Variants in MAP1LC3A observed in about 807,000 individuals in gnomAD.
MAP1LC3A encodes the protein microtubule-associated protein 1 light chain 3 alpha.
Under a neutral mutation model 15.2 loss-of-function variants are expected in MAP1LC3A, and 10 were observed. The observed-to-expected ratio is 0.66, with a 90% CI of 0.41 to 1.12. The LOEUF (loss-of-function observed/expected upper bound fraction) is 1.12, where lower values mean the gene tolerates loss of function less well. Ranked by LOEUF, MAP1LC3A falls within the 50% of genes most tolerant of loss-of-function variation. MAP1LC3A has a pLI of 0.00. For missense variants in MAP1LC3A, 138 were observed against 167.3 expected (o/e 0.82, Z 0.97); for synonymous variants, 63 against 64.3 (o/e 0.98, Z 0.10).
At chr20:34,557,052 A>C (rs907815313), upstream of MAP1LC3A, among the ~76,000 whole-genome samples, 1 of 152,166 alleles carries the variant, frequency 6.6e-6, no homozygotes, top group African/African-American at 2.4e-5. Flanking sequence ...TTCTATAGGT[A>C]CATCTTTTGG....
At chr20:34,548,246 C>T (rs1385126287) in intron 1 of MAP1LC3A, among the ~76,000 whole-genome samples, 1 of 152,194 alleles carries the variant, frequency 6.6e-6, no homozygotes, top group Non-Finnish European at 1.5e-5. Context: ...CTGGACCTGA[C>T]AGCTGGAAGC....
chr20:34,556,783 TAGAGAC>T (rs1174320756), upstream of MAP1LC3A, among the ~76,000 whole-genome samples: 1 of 152,182 alleles, frequency 6.6e-6, no homozygotes, highest in Non-Finnish European at 1.5e-5. Context: ...GTATTTTTAG[TAGAGAC>T]AGAGTTTTGC....
chr20:34,559,385 C>T lies in MAP1LC3A; in HGVS notation c.135C>T (p.Pro45=), dbSNP rs757207230. 3 of 1,613,356 alleles carry T rather than the reference C, an allele frequency of 1.9e-6. No homozygotes were observed. Among genetic ancestry groups the T allele is most frequent in the Admixed American group, 1.7e-5 (1 of 60,006 alleles). ...GCTACAAGGGTGAGAAGCAGCTGCC[C>T]GTCCTGGACAAGACCAAGTTTTTGG... ...IERYKGEKQL[P]VLDKTKFLVP... The change falls in exon 3 of 4, where the codon CCC becomes CCT. Residue 45 remains proline, a synonymous_variant. Coordinates refer to ENST00000360668, the MANE Select transcript of MAP1LC3A (RefSeq NM_032514.4).
Position 34,560,280 on chromosome 20 carries a change from C to T in MAP1LC3A, c.*382C>T, listed in dbSNP as rs948625340. On this transcript the variant is annotated 3_prime_UTR_variant, in exon 4 of 4. Transcript: ENST00000360668. ...CCCTGGCTCCCCGCCCCTCGGTCTCCACGTGGTGTATGGATCTGTGGTCAT... is the reference window on the plus strand; with the variant it reads ...CCCTGGCTCCCCGCCCCTCGGTCTCTACGTGGTGTATGGATCTGTGGTCAT... 1.7e-5 allele frequency: 4 copies of T among 230,712 alleles called. No homozygotes were observed. Among genetic ancestry groups the T allele is most frequent in the African/African-American group, 4.6e-5 (2 of 43,146 alleles). The allele number at this position is 230,712 out of a possible 1,614,324, so 14.3% of individuals were successfully genotyped here. A position where few individuals can be genotyped will look rare whatever the true frequency, so the allele number is the denominator to read the frequency against.
chr20:34,556,992 A>T (rs1055795410), upstream of MAP1LC3A, among the ~76,000 whole-genome samples: 1 of 152,154 alleles, frequency 6.6e-6, no homozygotes, highest in Non-Finnish European at 1.5e-5. Context: ...TTTCATGTTG[A>T]TCCTCTTATC....
intron 2 of MAP1LC3A, among the ~76,000 whole-genome samples, chr20:34,550,610 C>G (rs907724499): frequency 1.3e-5 from 2 of 152,070 alleles, no homozygotes; most frequent in African/African-American, 4.8e-5. Context: ...GCCAAAATGG[C>G]GAAACGAAAA....
At chr20:34,549,604 G>C (rs1981870205) in intron 1 of MAP1LC3A, among the ~76,000 whole-genome samples, 1 of 152,244 alleles carries the variant, frequency 6.6e-6, no homozygotes, top group Non-Finnish European at 1.5e-5. Flanking sequence ...TGTGCTGAGA[G>C]TAGCAGCCCA....
rs140625473 is a variant in MAP1LC3A, at chr20:34,551,417, G to A, written c.52+1388G>A. On this transcript the variant is annotated intron_variant, in intron 2 of 4. Transcript: ENST00000374837. Reference sequence around the variant, plus strand: ...AGAATAATGATTGCCTCCATGGGGCGTGCAGGTAGACTGGTGAGGCCCAAG... The same window carrying A: ...AGAATAATGATTGCCTCCATGGGGCATGCAGGTAGACTGGTGAGGCCCAAG... Among the ~76,000 whole-genome samples, 715 of 151,780 alleles carry A rather than the reference G, an allele frequency of 4.7e-3. 4 individuals carry two copies. The highest frequency in any genetic ancestry group is 0.016 in the African/African-American group (654 of 41,352).
At chr20:34,558,263 G>A (rs1982233677), upstream of MAP1LC3A, 11 of 984,482 alleles carry the variant, frequency 1.1e-5, no homozygotes, top group South Asian at 5.2e-4. The surrounding 1 kb of genome is among the most constrained non-coding windows in gnomAD (Gnocchi z 4.3). Context: ...TTTCAAACCT[G>A]GGCGTTCATT....
chr20:34,558,517 G>A, upstream of MAP1LC3A: 6 of 1,073,928 alleles, frequency 5.6e-6, no homozygotes, highest in Non-Finnish European at 5.6e-6. The surrounding 1 kb of genome is among the most constrained non-coding windows in gnomAD (Gnocchi z 4.3). Context: ...CTTGAGTTCG[G>A]GCTGCGGGAG....
upstream of MAP1LC3A, chr20:34,558,336 C>CCTT: frequency 6.1e-6 from 6 of 986,812 alleles, no homozygotes; most frequent in Non-Finnish European, 7.2e-6. The surrounding 1 kb of genome is among the most constrained non-coding windows in gnomAD (Gnocchi z 4.3). Context: ...TTCTCTCGCC[C>CCTT]TAAGCCCCGT....
chr20:34,549,501 A>G (rs1391463041), intron 1 of MAP1LC3A, among the ~76,000 whole-genome samples: 1 of 152,230 alleles, frequency 6.6e-6, no homozygotes, highest in Non-Finnish European at 1.5e-5. Flanking sequence ...TGCCTGGCTC[A>G]GGAAGGAATT....
chr20:34,558,611 C>A, upstream of MAP1LC3A: 1 of 1,219,818 alleles, frequency 8.2e-7, no homozygotes. The surrounding 1 kb of genome is among the most constrained non-coding windows in gnomAD (Gnocchi z 4.3). Context: ...CGGACCCAGG[C>A]TCTCTGCGCC....
intron 1 of MAP1LC3A, among the ~76,000 whole-genome samples, chr20:34,548,620 A>G (rs889106877): frequency 6.6e-6 from 1 of 151,950 alleles, no homozygotes; most frequent in African/African-American, 2.4e-5. Flanking sequence ...TGTGGGGAGC[A>G]AGGTGGGGCA....
At position 34,559,872 on chromosome 20, in the gene MAP1LC3A, G is replaced by A; in HGVS notation, c.340G>A (p.Ala114Thr). 2 of 1,611,176 alleles carry A rather than the reference G, an allele frequency of 1.2e-6. No individual in the cohort carries two copies. Among genetic ancestry groups the A allele is most frequent in the South Asian group, 1.1e-5 (1 of 90,542 alleles). The change falls in exon 4 of 4, where the codon GCC (alanine) becomes ACC (threonine). Residue 114 changes from alanine to threonine, a missense_variant. By Grantham distance (58) the Ala-to-Thr change is moderately conservative (BLOSUM62 0). Coordinates refer to ENST00000360668, the MANE Select transcript of MAP1LC3A (RefSeq NM_032514.4). ...DEDGFLYMVY[A>T]SQETFGF Reference sequence around the variant, plus strand: ...GGACGGCTTCCTCTATATGGTCTACGCCTCCCAGGAAACCTTCGGCTTCTG... The same window carrying A: ...GGACGGCTTCCTCTATATGGTCTACACCTCCCAGGAAACCTTCGGCTTCTG...
intron 1 of MAP1LC3A, 64 bp from the exon 2 acceptor site, chr20:34,559,144 C>A: frequency 4.1e-6 from 6 of 1,450,186 alleles, no homozygotes; most frequent in Non-Finnish European, 5.4e-6. Context: ...GCCGCCCCTC[C>A]GGGACAGGCG....
chr20:34,559,701 C>G, intron 3 of MAP1LC3A, 35 bp from the exon 4 acceptor site: 1 of 1,575,410 alleles, frequency 6.3e-7, no homozygotes, highest in Non-Finnish European at 8.6e-7. Context: ...CGCAGCCAAG[C>G]CCCTCACAGC....
Position 34,559,382 on chromosome 20 carries a change from G to A in MAP1LC3A, c.132G>A (p.Leu44=). 6.2e-7 allele frequency: 1 copy of A among 1,612,294 alleles called. No individual in the cohort carries two copies. Among genetic ancestry groups the A allele is most frequent in the Non-Finnish European group, 8.5e-7 (1 of 1,179,212 alleles). ...AGCGCTACAAGGGTGAGAAGCAGCTGCCCGTCCTGGACAAGACCAAGTTTT... is the reference window on the plus strand; with the variant it reads ...AGCGCTACAAGGGTGAGAAGCAGCTACCCGTCCTGGACAAGACCAAGTTTT... ...IIERYKGEKQ[L]PVLDKTKFLV... Residue 44 remains leucine (L), a synonymous_variant, in exon 3 of 4, where the codon CTG becomes CTA. Transcript: ENST00000360668.
chr20:34,551,853 ATTGT>A (rs1269481110), intron 2 of MAP1LC3A, among the ~76,000 whole-genome samples: 3 of 152,098 alleles, frequency 2.0e-5, no homozygotes, highest in East Asian at 3.8e-4. Context: ...TCTGCATTTC[ATTGT>A]TTGTGAATTT....
Sources: allele counts gnomAD v4.1 joint callset (sites outside exome capture counted in the v4.1 genomes callset), GRCh38; gene constraint gnomAD v4.1.1; non-coding constraint Gnocchi (gnomAD v3.1); transcripts MANE v1.5; gene names NCBI Gene and HGNC (gene_info 2026-07-23, HGNC 2026-07-21).